Variants in CATSPER2 observed in about 807,000 individuals in gnomAD.
CATSPER2 encodes cation channel sperm-associated protein 2.
In CATSPER2, 56 loss-of-function variants were observed where a neutral mutation model predicts 68.8. The observed-to-expected ratio is 0.81, with a 90% CI of 0.66 to 1.02. CATSPER2 has a LOEUF of 1.02. Among genes scored for constraint, CATSPER2 ranks in the 50% least tolerant of loss-of-function variants. The pLI is 0.00. For missense variants in CATSPER2, 582 were observed against 642.0 expected, an observed-to-expected ratio of 0.91 and a Z score of 1.01; for synonymous variants, 198 against 229.9, an observed-to-expected ratio of 0.86 and a Z score of 1.26.
At chr15:43,639,900 C>T (rs1054360095) in intron 5 of CATSPER2, 102 bp from the exon 6 acceptor site, 9 of 1,603,358 alleles carry the variant, frequency 5.6e-6, no homozygotes, top group Non-Finnish European at 7.7e-6. Context: ...TGGGCGTTAT[C>T]CCTTGAATAG....
chr15:43,639,035 G>A lies in CATSPER2; in HGVS notation c.718-7C>T, dbSNP rs754906468. Reference sequence around the variant, plus strand: ...TCAAGAGGAAGGTCATGCTCTAGAGGCCATAACTCTCATGTCAGATGTGGG... The same window carrying A: ...TCAAGAGGAAGGTCATGCTCTAGAGACCATAACTCTCATGTCAGATGTGGG... On this transcript the variant is annotated splice_region_variant and splice_polypyrimidine_tract_variant and intron_variant, in intron 6 of 12. Transcript: ENST00000396879. 6.2e-7 allele frequency: 1 copy of A among 1,611,542 alleles called. No homozygotes were observed. Among genetic ancestry groups the A allele is most frequent in the Non-Finnish European group, 8.5e-7 (1 of 1,178,582 alleles).
At chr15:43,634,308 A>G (rs1282812194) in intron 10 of CATSPER2, 1 of 151,534 alleles carries the variant, frequency 6.6e-6, no homozygotes, top group Non-Finnish European at 1.5e-5. Flanking sequence ...CACAGCCTCA[A>G]CCTCTCAGCT....
chr15:43,647,940 C>T lies in CATSPER2; in HGVS notation c.122G>A (p.Arg41Gln), dbSNP rs1388955012. The T allele has an allele frequency of 3.1e-6, 5 of 1,613,568 alleles. No homozygotes were observed. Among genetic ancestry groups the T allele is most frequent in the Non-Finnish European group, 4.2e-6 (5 of 1,179,776 alleles). ...HLQGLSQAVP[R>Q]HTIRELLDPS... ...ACCAAGTAACTCCCTGATAGTGTGC[C>T]GCGGCACAGCTTGGCTCAAGCCTTG... Residue 41 changes from arginine (R) to glutamine (Q), a missense_variant, in exon 2 of 13, where the codon CGG becomes CAG. Transcript: ENST00000396879.
rs1567135431 is a variant in CATSPER2 at position 43,648,773 on chromosome 15, AC to A, written c.-148del. On this transcript the variant is annotated 5_prime_UTR_variant, in exon 1 of 13. Coordinates refer to ENST00000396879, the MANE Select transcript of CATSPER2 (RefSeq NM_172095.4). ...TGCGCCCCATTCCCCGCCCCGCTCG[AC>A]CCCCAGGTTTCGGCTCACCCCGGGA... is the stretch of plus-strand genomic sequence containing the variant. The A allele has an allele frequency of 1.3e-6, 2 of 1,521,468 alleles. No individual in the cohort carries two copies. The highest frequency in any genetic ancestry group is 1.2e-5 in the South Asian group (1 of 82,612). The allele number at this position is 1,521,468 out of a possible 1,614,324, so 94.2% of individuals were successfully genotyped here.
At chr15:43,644,400 T>C (rs912855726) in intron 4 of CATSPER2, among the ~76,000 whole-genome samples, 46 of 152,106 alleles carry the variant, frequency 3.0e-4, no homozygotes, top group African/African-American at 1.1e-3. Context: ...ACTTATCCTC[T>C]GGCACAGTGA....
Position 43,648,682 on chromosome 15 carries a change from A to T in CATSPER2, c.-56T>A. 6.9e-7 allele frequency: 1 copy of T among 1,440,650 alleles called. No homozygotes were observed. Among genetic ancestry groups the T allele is most frequent in the African/African-American group, 1.5e-5 (1 of 68,400 alleles). The allele number at this position is 1,440,650 out of a possible 1,614,324, so 89.2% of individuals were successfully genotyped here. Reference sequence around the variant, plus strand: ...GTCCTTATTTCACGCTTCCGCCTCCAGCTCAGGTGCCCCGAGCCTGGCTAC... The same window carrying T: ...GTCCTTATTTCACGCTTCCGCCTCCTGCTCAGGTGCCCCGAGCCTGGCTAC... On this transcript the variant is annotated 5_prime_UTR_variant, in exon 1 of 13. Transcript: ENST00000396879.
At chr15:43,630,862 T>C in intron 12 of CATSPER2, 130 bp from the exon 13 acceptor site, 10 of 1,573,670 alleles carry the variant, frequency 6.4e-6, no homozygotes, top group Non-Finnish European at 8.7e-6. Context: ...AATTAAGCCA[T>C]ATGATTCTGT....
At chr15:43,643,744 T>C (rs1406828401) in intron 4 of CATSPER2, among the ~76,000 whole-genome samples, 3 of 152,044 alleles carry the variant, frequency 2.0e-5, no homozygotes, top group Admixed American at 6.5e-5. Flanking sequence ...AAAAACTTTA[T>C]ATAGCACATC....
chr15:43,644,050 T>C (rs1219358926), intron 4 of CATSPER2, among the ~76,000 whole-genome samples: 8 of 151,976 alleles, frequency 5.3e-5, no homozygotes, highest in Non-Finnish European at 8.8e-5. Context: ...TGCAAATGAG[T>C]CAAATCTTTT....
At position 43,639,677 on chromosome 15, in the gene CATSPER2, T is replaced by G. The variant is rs1065392; in HGVS notation, c.683A>C (p.Gln228Pro). ...LKLLAQFRQIQIIILVLVRAL... is the reference protein window; with the variant it reads ...LKLLAQFRQIPIIILVLVRAL... Reference sequence around the variant, plus strand: ...CCTGACCAGGACCAAAATAATAATTTGAATTTGACGGAATTGTGCAAGGAG... The same window carrying G: ...CCTGACCAGGACCAAAATAATAATTGGAATTTGACGGAATTGTGCAAGGAG... Residue 228 changes from glutamine (Q) to proline (P), a missense_variant, in exon 6 of 13, where the codon CAA becomes CCA. Gln to Pro is a moderately conservative substitution (Grantham distance 76, BLOSUM62 -1). Transcript: ENST00000396879. The G allele has an allele frequency of 5.0e-4, 802 of 1,612,762 alleles. 8 individuals are homozygous for G. In the African/African-American group the frequency reaches 0.01, roughly 20 times the overall value.
rs1047151846 is a variant in CATSPER2, at chr15:43,642,063, G to A, written c.389-1567C>T. On this transcript the variant is annotated intron_variant, in intron 4 of 12. Transcript: ENST00000396879. ...CTTTCACGTAAGTTTCTCTAAGACG[G>A]ACAATTTTTCACATTTTAACATACA... 2.0e-5 allele frequency among the ~76,000 whole-genome samples: 3 copies of A among 150,676 alleles called. 1 individual carries two copies. The highest frequency in any genetic ancestry group is 4.4e-5 in the Non-Finnish European group (3 of 67,810).
chr15:43,645,228 G>A (rs555937246), intron 4 of CATSPER2, among the ~76,000 whole-genome samples: 1 of 151,486 alleles, frequency 6.6e-6, no homozygotes, highest in African/African-American at 2.4e-5. Context: ...GCTAACTTTT[G>A]TATTTTTTGT....
intron 12 of CATSPER2, 82 bp from the exon 13 acceptor site, chr15:43,630,814 G>A (rs2141542456): frequency 1.2e-6 from 2 of 1,610,598 alleles, no homozygotes; most frequent in Non-Finnish European, 1.7e-6. Context: ...TTGCTTTTCT[G>A]GGTTCTAGGT....
In CATSPER2 at chr15:43,648,020, T is replaced by G; in HGVS notation, c.42A>C (p.Arg14=). Residue 14 remains arginine (R), a synonymous_variant, in exon 2 of 13, where the codon CGA becomes CGC. Coordinates refer to ENST00000396879, the MANE Select transcript of CATSPER2 (RefSeq NM_172095.4). The part of the protein sequence containing the change: ...YQQEEQMQLP[R]ADAIRSRLID... The stretch of plus-strand genomic sequence containing the variant: ...TGAGACGTGAACGAATGGCATCAGC[T>G]CGGGGAAGCTGCATCTGCTCTTCTT... The G allele has an allele frequency of 2.5e-6, 4 of 1,613,678 alleles. No homozygotes were observed. The highest frequency in any genetic ancestry group is 3.4e-6 in the Non-Finnish European group (4 of 1,179,776).
intron 12 of CATSPER2, 33 bp downstream of exon 12, chr15:43,632,166 C>A (rs1360625435): frequency 6.2e-7 from 1 of 1,604,596 alleles, no homozygotes; most frequent in South Asian, 1.1e-5. Flanking sequence ...TATATATATT[C>A]CCATGGTCCC....
intron 4 of CATSPER2, chr15:43,643,017 A>G (rs1321035908): frequency 6.6e-6 from 1 of 152,054 alleles, no homozygotes; most frequent in Non-Finnish European, 1.5e-5. Context: ...GTGAACATCT[A>G]TGCTTCAATA....
intron 7 of CATSPER2, among the ~76,000 whole-genome samples, chr15:43,637,939 C>CTT (rs780808346): frequency 2.1e-5 from 3 of 143,664 alleles, no homozygotes; most frequent in Non-Finnish European, 3.1e-5. Flanking sequence ...TGCTATTATT[C>CTT]TTTTTTTTTT....
In CATSPER2 at chr15:43,630,727, C is replaced by G; in HGVS notation, c.1567G>C (p.Ala523Pro). 6.2e-7 allele frequency: 1 copy of G among 1,612,246 alleles called. No individual in the cohort carries two copies. Among genetic ancestry groups the G allele is most frequent in the East Asian group, 2.2e-5 (1 of 44,828 alleles). Residue 523 changes from alanine (A) to proline (P), a missense_variant, in exon 13 of 13, where the codon GCA becomes CCA. This residue lies in a region of CATSPER2 where 235 missense variants were observed against 264.2 expected (regional missense o/e 0.89). Coordinates refer to ENST00000396879, the MANE Select transcript of CATSPER2 (RefSeq NM_172095.4). ...RKKLQEFAVQ[A>P]LMNLEDK ...TACTTGTCTTCCAAGTTCATCAGTG[C>G]CTGCACTGCAAAGGAAACAGATTGT...
intron 7 of CATSPER2, chr15:43,637,845 T>G (rs2085991300): frequency 6.6e-6 from 1 of 151,972 alleles, no homozygotes; most frequent in Admixed American, 6.6e-5. Flanking sequence ...GTAACATTAA[T>G]TGATCACTTA....
Sources: gnomAD v4.1 joint callset for allele counts (sites outside exome capture counted in the v4.1 genomes callset) on GRCh38, gnomAD v4.1.1 for gene constraint, gnomAD v4.1.1 regional missense constraint, MANE v1.5 for transcripts, NCBI Gene and HGNC (gene_info 2026-07-23, HGNC 2026-07-21) for gene names.